Variants in PMEPA1 observed in about 807,000 individuals in gnomAD.
The protein encoded by PMEPA1 is prostate transmembrane protein, androgen induced 1, also known as protein TMEPAI.
In PMEPA1, 11 loss-of-function variants were observed where a neutral mutation model predicts 23.0. The ratio of observed to expected loss-of-function variants is 0.48; its 90% CI spans 0.30 to 0.79. The LOEUF (loss-of-function observed/expected upper bound fraction) is 0.79. PMEPA1 is among the 30% of genes least tolerant of loss of function. The pLI, the probability that PMEPA1 is intolerant of heterozygous loss-of-function variation, is 0.06. For missense variants in PMEPA1, 377 were observed against 390.9 expected (o/e 0.96, Z 0.30); for synonymous variants, 204 against 166.4 (o/e 1.23, Z -1.74).
Position 57,652,891 on chromosome 20 carries a change from C to T in PMEPA1, c.318+142G>A, listed in dbSNP as rs575878567. The T allele has an allele frequency of 3.0e-4, 234 of 767,492 alleles. 2 individuals carry two copies. In the East Asian group the frequency reaches 6.0e-3, roughly 20 times the overall value. 47.5% of individuals were successfully genotyped at this position (767,492 alleles called of 1,614,324 possible). A position where few individuals can be genotyped will look rare whatever the true frequency, so the allele number is the denominator to read the frequency against. ...TCAGGGGCAGGGAGCAGATGATCTC[C>T]GGCAAGGAGGATCCCAGCAGCAAGG... On this transcript the variant is annotated intron_variant, in intron 3 of 3. Coordinates refer to ENST00000341744, the MANE Select transcript of PMEPA1 (RefSeq NM_020182.5). The surrounding 1 kb of genome is among the most constrained non-coding windows in gnomAD (Gnocchi z 6.1).
At chr20:57,690,626 A>C (rs2071869059) in intron 1 of PMEPA1, 1 of 1,200,926 alleles carries the variant, frequency 8.3e-7, no homozygotes, top group African/African-American at 1.6e-5. Context: ...CCTGGAGAGC[A>C]GGCGCGCACC....
In PMEPA1 at chr20:57,665,173, G is replaced by A. The variant is rs1253368139; in HGVS notation, c.110-5476C>T. On this transcript the variant is annotated intron_variant, in intron 1 of 3. Coordinates refer to ENST00000341744, the MANE Select transcript of PMEPA1 (RefSeq NM_020182.5). ...TTGTCATGATTCTAACACATGACCC[G>A]GGGCCACTGAGCTGAGCCTCCCCAA... is the stretch of plus-strand genomic sequence containing the variant. Among the ~76,000 whole-genome samples, 3 of 152,122 alleles carry A rather than the reference G, an allele frequency of 2.0e-5. No homozygotes were observed. In the East Asian group the frequency reaches 5.8e-4, roughly 29 times the overall value.
At chr20:57,677,342 T>C (rs969749058) in intron 1 of PMEPA1, among the ~76,000 whole-genome samples, 1 of 152,218 alleles carries the variant, frequency 6.6e-6, no homozygotes, top group Non-Finnish European at 1.5e-5. Context: ...TAGGAAGCAC[T>C]GAGTACGTGT....
chr20:57,670,255 A>G (rs1360653906), intron 1 of PMEPA1, among the ~76,000 whole-genome samples: 1 of 152,062 alleles, frequency 6.6e-6, no homozygotes, highest in African/African-American at 2.4e-5. Context: ...TGTGGCACCC[A>G]CCGGTCCACT....
intron 1 of PMEPA1, among the ~76,000 whole-genome samples, chr20:57,708,219 C>G (rs2072114400): frequency 6.6e-6 from 1 of 152,226 alleles, no homozygotes; most frequent in Non-Finnish European, 1.5e-5. Context: ...CTTCTCAGCT[C>G]CGGGCCCCAG....
intron 1 of PMEPA1, among the ~76,000 whole-genome samples, chr20:57,673,454 G>A (rs551631116): frequency 3.9e-5 from 6 of 152,126 alleles, no homozygotes; most frequent in Non-Finnish European, 8.8e-5. Flanking sequence ...TCGTTGGTGT[G>A]GCCACTCTGT....
At chr20:57,685,957 A>G (rs1047067771) in intron 1 of PMEPA1, among the ~76,000 whole-genome samples, 4 of 151,490 alleles carry the variant, frequency 2.6e-5, no homozygotes, top group Admixed American at 2.6e-4. Flanking sequence ...AAAATGAGTC[A>G]CCCTCCCTTC....
chr20:57,677,335 G>C (rs1263432938), intron 1 of PMEPA1, among the ~76,000 whole-genome samples: 1 of 152,178 alleles, frequency 6.6e-6, no homozygotes, highest in East Asian at 1.9e-4. Context: ...TGGTGTGTAG[G>C]AAGCACTGAG....
intron 1 of PMEPA1, among the ~76,000 whole-genome samples, chr20:57,669,878 A>G (rs925725208): frequency 1.5e-3 from 157 of 108,146 alleles, no homozygotes; most frequent in African/African-American, 6.0e-3. Flanking sequence ...TAAAAGAGGG[A>G]AAAAAAAAAG....
At chr20:57,706,901 A>AGG (rs1053916000) in intron 1 of PMEPA1, among the ~76,000 whole-genome samples, 1 of 152,172 alleles carries the variant, frequency 6.6e-6, no homozygotes, top group African/African-American at 2.4e-5. Context: ...GTGGGTGGGA[A>AGG]GCCCGGTCCA....
In PMEPA1 at chr20:57,652,942, G is replaced by A; in HGVS notation, c.318+91C>T. On this transcript the variant is annotated intron_variant, in intron 3 of 3. Transcript: ENST00000341744. The surrounding 1 kb of genome is among the most constrained non-coding windows in gnomAD (Gnocchi z 6.1). ...GCACTGCAGAGGAGGGCGGAGGGGT[G>A]AGCCTTTAGCAGCCCACACTGTTCC... The A allele has an allele frequency of 6.5e-6, 7 of 1,082,018 alleles. No individual in the cohort carries two copies. In the South Asian group the frequency reaches 6.7e-5, roughly 10 times the overall value. The allele number at this position is 1,082,018 out of a possible 1,614,324, so 67.0% of individuals were successfully genotyped here. A position where few individuals can be genotyped will look rare whatever the true frequency, so the allele number is the denominator to read the frequency against.
In PMEPA1 at chr20:57,655,518, A is replaced by G. The variant is rs906403579; in HGVS notation, c.265-2432T>C. Among the ~76,000 whole-genome samples, 1 of 152,256 alleles carries G rather than the reference A, an allele frequency of 6.6e-6. No homozygotes were observed. The highest frequency in any genetic ancestry group is 6.5e-5 in the Admixed American group (1 of 15,290). On this transcript the variant is annotated intron_variant, in intron 2 of 3. Transcript: ENST00000341744. The surrounding 1 kb of genome is among the most constrained non-coding windows in gnomAD (Gnocchi z 4.2). Reference sequence around the variant, plus strand: ...AGTTGCTGGGTGACCCGTGCAAGTCATCTTTGTGGAATTAGGTTCCAAAGT... The same window carrying G: ...AGTTGCTGGGTGACCCGTGCAAGTCGTCTTTGTGGAATTAGGTTCCAAAGT...
chr20:57,672,586 C>T (rs893299434), intron 1 of PMEPA1, among the ~76,000 whole-genome samples: 3 of 152,224 alleles, frequency 2.0e-5, no homozygotes, highest in African/African-American at 4.8e-5. Context: ...GGGGTCTCGC[C>T]GCTAACCCGG....
intron 1 of PMEPA1, among the ~76,000 whole-genome samples, chr20:57,700,818 A>G (rs1204679076): frequency 6.6e-6 from 1 of 152,198 alleles, no homozygotes; most frequent in East Asian, 1.9e-4. Flanking sequence ...ACCGGAGGTC[A>G]GGAGTTTGAG....
intron 1 of PMEPA1, among the ~76,000 whole-genome samples, chr20:57,702,498 C>A (rs1028712378): frequency 1.3e-5 from 2 of 152,160 alleles, no homozygotes; most frequent in South Asian, 2.1e-4. Context: ...GTGGCCAATT[C>A]GTATGTGTTC....
chr20:57,692,506 C>T (rs534842566), intron 1 of PMEPA1, among the ~76,000 whole-genome samples: 2 of 149,938 alleles, frequency 1.3e-5, no homozygotes, highest in South Asian at 2.1e-4. Flanking sequence ...CCTGAAGCCC[C>T]TCCCTGCCAG....
chr20:57,661,770 A>G (rs1007558162), intron 1 of PMEPA1, among the ~76,000 whole-genome samples: 2 of 152,214 alleles, frequency 1.3e-5, no homozygotes, highest in Non-Finnish European at 2.9e-5. Flanking sequence ...CAAGGCAGGA[A>G]AGCAGCCCAT....
intron 1 of PMEPA1, among the ~76,000 whole-genome samples, chr20:57,672,404 G>A (rs1052314150): frequency 6.6e-6 from 1 of 152,266 alleles, no homozygotes; most frequent in Admixed American, 6.5e-5. Flanking sequence ...GTGAACCGGG[G>A]CTCCGTTTCC....
intron 2 of PMEPA1, among the ~76,000 whole-genome samples, chr20:57,653,989 C>A (rs951669225): frequency 2.6e-5 from 4 of 152,098 alleles, no homozygotes; most frequent in Non-Finnish European, 5.9e-5. Flanking sequence ...GGAAAGTGCC[C>A]AAGGCGGCTG....
Sources: gnomAD v4.1 joint callset for allele counts (sites outside exome capture counted in the v4.1 genomes callset) on GRCh38, gnomAD v4.1.1 for gene constraint, Gnocchi (gnomAD v3.1) non-coding constraint, MANE v1.5 for transcripts, NCBI Gene and HGNC (gene_info 2026-07-23, HGNC 2026-07-21) for gene names.